The following STARD9 variants were observed in gnomAD, a reference collection of about 807,000 sequenced individuals.
The protein encoded by STARD9 is stAR-related lipid transfer protein 9.
Under a neutral mutation model 399.8 loss-of-function variants are expected in STARD9, and 346 were observed. That is an observed-to-expected ratio of 0.87 (90% CI 0.79 to 0.95). The LOEUF is 0.95. Among genes scored for constraint, STARD9 ranks in the 40% least tolerant of loss-of-function variants. The pLI is 0.00. For missense variants in STARD9, 5,832 were observed against 5,667.5 expected, an observed-to-expected ratio of 1.03 and a Z score of -0.93; for synonymous variants, 2,203 against 2,143.5, an observed-to-expected ratio of 1.03 and a Z score of -0.77.
chr15:42,587,673 C>T (rs1318512042), intron 3 of STARD9, among the ~76,000 whole-genome samples: 1 of 152,200 alleles, frequency 6.6e-6, no homozygotes. Context: ...TCAAGCGATT[C>T]TCCTGCCTCA....
At chr15:42,645,756 G>T (rs2059633194) in intron 7 of STARD9, among the ~76,000 whole-genome samples, 1 of 151,998 alleles carries the variant, frequency 6.6e-6, no homozygotes, top group Non-Finnish European at 1.5e-5. Context: ...TGCCCAGGCT[G>T]GTCTTGAACT....
At chr15:42,714,539 A>T (rs945026867) in intron 26 of STARD9, among the ~76,000 whole-genome samples, 1 of 152,110 alleles carries the variant, frequency 6.6e-6, no homozygotes, top group South Asian at 2.1e-4. Flanking sequence ...GCCATTTTCC[A>T]TAGCTTGTGA....
chr15:42,687,598 A>T lies in STARD9; in HGVS notation c.6020A>T (p.Gln2007Leu), dbSNP rs1375167282. Residue 2007 changes from glutamine to leucine, a missense_variant, in exon 23 of 33, where the codon CAG becomes CTG. Coordinates refer to ENST00000290607, the MANE Select transcript of STARD9 (RefSeq NM_020759.3). Reference protein sequence around the residue: ...PGTKPAYERFQLVACPQERNP... With the variant: ...PGTKPAYERFLLVACPQERNP... ...ACAAAGCCTGCATATGAAAGGTTCC[A>T]GTTAGTTGCATGCCCTCAGGAAAGA... 6 of 1,537,142 alleles carry T rather than the reference A, an allele frequency of 3.9e-6. No individual in the cohort carries two copies. The highest frequency in any genetic ancestry group is 1.7e-4 in the Middle Eastern group (1 of 5,990).
At chr15:42,654,489 C>A (rs535171426) in intron 9 of STARD9, among the ~76,000 whole-genome samples, 1 of 152,236 alleles carries the variant, frequency 6.6e-6, no homozygotes, top group Non-Finnish European at 1.5e-5. Flanking sequence ...GGAAGTCAAA[C>A]TGTTGCTGTT....
Position 42,693,570 on chromosome 15 carries a change from C to T in STARD9, c.11992C>T (p.Gln3998Ter). ...SPKLQFSFLG[Q>*]HPQQLQPRTT... ...AAAACTCCAATTTAGTTTCTTAGGGCAGCACCCTCAGCAGCTTCAGCCCAG... is the reference window on the plus strand; with the variant it reads ...AAAACTCCAATTTAGTTTCTTAGGGTAGCACCCTCAGCAGCTTCAGCCCAG... The change falls in exon 23 of 33, where the codon CAG becomes TAG. Residue 3998 changes from glutamine (Q) to a stop codon, truncating the protein, a stop_gained. Coordinates refer to ENST00000290607, the MANE Select transcript of STARD9 (RefSeq NM_020759.3). LOFTEE classifies it high-confidence loss of function. 6.5e-7 allele frequency: 1 copy of T among 1,537,268 alleles called. No individual in the cohort carries two copies. The highest frequency in any genetic ancestry group is 8.7e-7 in the Non-Finnish European group (1 of 1,146,908).
intron 3 of STARD9, among the ~76,000 whole-genome samples, chr15:42,593,259 C>T (rs1488551149): frequency 6.6e-6 from 1 of 152,186 alleles, no homozygotes; most frequent in African/African-American, 2.4e-5. Context: ...ACTAACTTCC[C>T]TCCCTTCCTC....
At chr15:42,694,747 G>T (rs1413560168) in intron 24 of STARD9, 22 bp downstream of exon 24, 4 of 1,533,752 alleles carry the variant, frequency 2.6e-6, no homozygotes, top group East Asian at 2.4e-5. Flanking sequence ...CGAGAACCCT[G>T]CTGGGAGCAG....
At chr15:42,622,421 G>A (rs896381620) in intron 3 of STARD9, among the ~76,000 whole-genome samples, 12 of 151,932 alleles carry the variant, frequency 7.9e-5, no homozygotes, top group African/African-American at 2.2e-4. Flanking sequence ...ACCCTGGAGC[G>A]CAGCTGCATG....
At chr15:42,616,104 A>G (rs2058958477) in intron 3 of STARD9, among the ~76,000 whole-genome samples, 1 of 152,210 alleles carries the variant, frequency 6.6e-6, no homozygotes, top group Non-Finnish European at 1.5e-5. Context: ...AGCAAAGAAA[A>G]AATGTAATTG....
At chr15:42,580,327 C>T (rs540125341) in intron 1 of STARD9, among the ~76,000 whole-genome samples, 32 of 152,246 alleles carry the variant, frequency 2.1e-4, no homozygotes, top group African/African-American at 7.2e-4. Flanking sequence ...TTAAAGACCC[C>T]AAGCCCAGAA....
chr15:42,661,225 G>A lies in STARD9; in HGVS notation c.770G>A (p.Ser257Asn), dbSNP rs1023478003. The part of the protein sequence containing the change: ...SKINLVDLAG[S>N]ERADPSYCKD... ...ATCAACCTTGTGGACCTAGCAGGCA[G>A]GTAATTAGGATTTTAAAGCTAAGGG... is the stretch of plus-strand genomic sequence containing the variant. The change falls in exon 10 of 33, where the codon AGC becomes AAC. Residue 257 changes from serine (S) to asparagine (N), a missense_variant and splice_region_variant. Physicochemically the swap from Ser to Asn is conservative, Grantham distance 46. Around this residue, in one of 2 missense-constraint regions of STARD9, gnomAD observed 5,828 missense variants for 5,651.1 expected, o/e 1.03. Transcript: ENST00000290607. The A allele has an allele frequency of 2.0e-6, 3 of 1,534,510 alleles. No homozygotes were observed. Among genetic ancestry groups the A allele is most frequent in the Non-Finnish European group, 2.6e-6 (3 of 1,144,502 alleles).
At chr15:42,588,254 GC>G (rs1227633903) in intron 3 of STARD9, among the ~76,000 whole-genome samples, 2 of 151,998 alleles carry the variant, frequency 1.3e-5, no homozygotes, top group African/African-American at 4.8e-5. Context: ...GTATCATTAA[GC>G]TTGAGTATGA....
rs767215708 is a variant in STARD9, at chr15:42,585,644, T to A, written c.234+7T>A. 12 of 1,475,306 alleles carry A rather than the reference T, an allele frequency of 8.1e-6. No individual in the cohort carries two copies. The highest frequency in any genetic ancestry group is 1.1e-5 in the Non-Finnish European group (12 of 1,092,246). The allele number at this position is 1,475,306 out of a possible 1,614,324, so 91.4% of individuals were successfully genotyped here. The stretch of plus-strand genomic sequence containing the variant: ...GTATGCATCTCAAGATGTGGTAATA[T>A]CATTTATCATTTTTCTTTCACCTCA... On this transcript the variant is annotated splice_region_variant and intron_variant, in intron 3 of 32. Transcript: ENST00000290607.
rs2061423665 is a variant in STARD9, at chr15:42,720,005, C to T, written c.*431C>T. The T allele has an allele frequency of 6.2e-6, 1 of 162,120 alleles. No homozygotes were observed. The highest frequency in any genetic ancestry group is 1.9e-4 in the South Asian group (1 of 5,260). 10.0% of individuals were successfully genotyped at this position (162,120 alleles called of 1,614,324 possible). On this transcript the variant is annotated 3_prime_UTR_variant, in exon 33 of 33. Transcript: ENST00000290607. ...CACTGGCCAAGACTCTGTTCTGAAT[C>T]TACCTCCTCTAGCATTCAGCTCTAC... is the stretch of plus-strand genomic sequence containing the variant.
chr15:42,632,962 G>C (rs570813035), intron 3 of STARD9, among the ~76,000 whole-genome samples: 3 of 152,156 alleles, frequency 2.0e-5, no homozygotes, highest in East Asian at 3.9e-4. Context: ...GGGCAACATG[G>C]GGAGACCTGT....
chr15:42,581,812 A>G (rs992921901), intron 1 of STARD9, among the ~76,000 whole-genome samples: 1 of 152,342 alleles, frequency 6.6e-6, no homozygotes, highest in South Asian at 2.1e-4. Context: ...CATTACAACA[A>G]TCTTTATTCC....
Position 42,690,495 on chromosome 15 carries a change from A to G in STARD9, c.8917A>G (p.Thr2973Ala). The change falls in exon 23 of 33, where the codon ACT (threonine) becomes GCT (alanine). Residue 2973 changes from threonine (T) to alanine (A), a missense_variant. Physicochemically the swap from Thr to Ala is moderately conservative, Grantham distance 58. Coordinates refer to ENST00000290607, the MANE Select transcript of STARD9 (RefSeq NM_020759.3). ...TCATGCTTATTCCTCCCATTCCTCT[A>G]CTTTACTGTGTTTTAGAGATGGTGA... ...ATHAYSSHSS[T>A]LLCFRDGDLG... is the part of the protein sequence containing the mutation. The G allele has an allele frequency of 6.5e-7, 1 of 1,537,024 alleles. No homozygotes were observed. The highest frequency in any genetic ancestry group is 8.7e-7 in the Non-Finnish European group (1 of 1,146,880).
chr15:42,586,245 T>C (rs564988036), intron 3 of STARD9, among the ~76,000 whole-genome samples: 2 of 152,214 alleles, frequency 1.3e-5, no homozygotes, highest in African/African-American at 2.4e-5. Context: ...AGGCTTGTAC[T>C]TGTCCTCCTA....
chr15:42,712,225 C>G (rs940204579), intron 26 of STARD9, among the ~76,000 whole-genome samples: 1 of 141,900 alleles, frequency 7.0e-6, no homozygotes, highest in East Asian at 2.0e-4. Context: ...TTTTAAGAGT[C>G]CCTTAGCAAA....
Sources: allele counts gnomAD v4.1 joint callset (sites outside exome capture counted in the v4.1 genomes callset), GRCh38; gene constraint gnomAD v4.1.1; regional missense constraint gnomAD v4.1.1; transcripts MANE v1.5; gene names NCBI Gene and HGNC (gene_info 2026-07-23, HGNC 2026-07-21).